The following HRH2 variants were observed in gnomAD, a reference collection of about 807,000 sequenced individuals.
The protein encoded by HRH2 is histamine receptor H2, also known as histamine H2 receptor.
A neutral mutation model predicts 20.1 loss-of-function variants in HRH2; 4 were observed. The ratio of observed to expected loss-of-function variants is 0.20; its 90% CI spans 0.10 to 0.45. HRH2 has a LOEUF of 0.45. Ranked by LOEUF, HRH2 falls within the 20% of genes least tolerant of loss-of-function variation. The probability of loss-of-function intolerance (pLI) is 0.99; values close to 1 mark genes in which losing one functional copy is unlikely to be tolerated. For missense variants in HRH2, 250 were observed against 461.6 expected, an observed-to-expected ratio of 0.54 and a Z score of 4.20; for synonymous variants, 197 against 200.7, an observed-to-expected ratio of 0.98 and a Z score of 0.16.
At chr5:175,706,518 T>A (rs1381030005) in intron 2 of HRH2, among the ~76,000 whole-genome samples, 1 of 152,312 alleles carries the variant, frequency 6.6e-6, no homozygotes, top group East Asian at 1.9e-4. Flanking sequence ...CTTTGATAAT[T>A]TCACCGAGTG....
At chr5:175,707,583 T>C (rs1302916507) in intron 2 of HRH2, among the ~76,000 whole-genome samples, 196 bp from the exon 3 acceptor site, 2 of 152,230 alleles carry the variant, frequency 1.3e-5, no homozygotes, top group African/African-American at 2.4e-5. Flanking sequence ...ATACTCCTTC[T>C]TGTGGGTTGA....
intron 1 of HRH2, among the ~76,000 whole-genome samples, chr5:175,658,651 C>G (rs1762640209): frequency 6.6e-6 from 1 of 152,112 alleles, no homozygotes; most frequent in Admixed American, 6.5e-5. Context: ...GGGGAGGAGG[C>G]TTCTATGTCT....
rs1424350798 is a variant in HRH2 at position 175,687,254 on chromosome 5, A to G, written c.1076+2945A>G. Among the ~76,000 whole-genome samples, 2 of 152,260 alleles carry G rather than the reference A, an allele frequency of 1.3e-5. No homozygotes were observed. Among genetic ancestry groups the G allele is most frequent in the East Asian group, 3.9e-4 (2 of 5,158 alleles). On this transcript the variant is annotated intron_variant, in intron 2 of 2. Transcript: ENST00000636584. This position sits in a 1 kb window ranked among gnomAD's most constrained non-coding sequence, Gnocchi z 5.2. Reference sequence around the variant, plus strand: ...TCCCACCAAGACTGCCAGGGCGATCAGGGCCTCGTGTGTCCCTCGATAAGC... The same window carrying G: ...TCCCACCAAGACTGCCAGGGCGATCGGGGCCTCGTGTGTCCCTCGATAAGC...
chr5:175,658,716 TGACC>T (rs1280598862), intron 1 of HRH2, among the ~76,000 whole-genome samples: 2 of 152,084 alleles, frequency 1.3e-5, no homozygotes, highest in African/African-American at 2.4e-5. Flanking sequence ...CGCTGCCGGA[TGACC>T]GATGACCGGA....
chr5:175,709,206 C>T lies in HRH2; in HGVS notation c.*1235C>T, dbSNP rs1262128430. 6.6e-6 allele frequency: 1 copy of T among 152,318 alleles called. No homozygotes were observed. The highest frequency in any genetic ancestry group is 1.5e-5 in the Non-Finnish European group (1 of 68,168). The allele number at this position is 152,318 out of a possible 1,614,324, so 9.4% of individuals were successfully genotyped here. A position where few individuals can be genotyped will look rare whatever the true frequency, so the allele number is the denominator to read the frequency against. The stretch of plus-strand genomic sequence containing the variant: ...TCCAAGATGCTTCATGATCTTCCCC[C>T]TCCCTGACATCCCCGACCTCCCTTT... On this transcript the variant is annotated 3_prime_UTR_variant, in exon 3 of 3. Coordinates refer to ENST00000636584, the MANE Select transcript of HRH2 (RefSeq NM_001367711.1).
At chr5:175,700,755 G>A (rs1756766355) in intron 2 of HRH2, among the ~76,000 whole-genome samples, 1 of 152,168 alleles carries the variant, frequency 6.6e-6, no homozygotes, top group African/African-American at 2.4e-5. Context: ...AGGCATGGTG[G>A]CATGCACCTG....
chr5:175,678,601 T>C (rs17065301), intron 1 of HRH2, among the ~76,000 whole-genome samples: 7,225 of 152,306 alleles, frequency 0.047, 582 homozygotes, highest in African/African-American at 0.16. Flanking sequence ...TTCTGTAGAG[T>C]AAGGATCAAA....
chr5:175,673,853 C>T (rs186477975), intron 1 of HRH2, among the ~76,000 whole-genome samples: 85 of 152,032 alleles, frequency 5.6e-4, no homozygotes, highest in Non-Finnish European at 8.1e-4. Flanking sequence ...TACAGATGCC[C>T]GCCACCACGC....
chr5:175,680,010 C>T lies in HRH2; in HGVS notation c.-525-2699C>T, dbSNP rs529067701. ...AAATGGAGACATGATTTTCCTCACT[C>T]GTGGGGTCGTGAGGATTCAGTGATA... On this transcript the variant is annotated intron_variant, in intron 1 of 2. Coordinates refer to ENST00000636584, the MANE Select transcript of HRH2 (RefSeq NM_001367711.1). Among the ~76,000 whole-genome samples the T allele has an allele frequency of 8.5e-5, 13 of 152,282 alleles. No individual in the cohort carries two copies. The South Asian group carries it at 2.7e-3, about 32-fold the overall frequency.
intron 2 of HRH2, among the ~76,000 whole-genome samples, chr5:175,701,916 A>C (rs1248468946): frequency 6.6e-6 from 1 of 152,242 alleles, no homozygotes; most frequent in Non-Finnish European, 1.5e-5. Context: ...GCTCAGGGCA[A>C]AGACGGGCCG....
At chr5:175,696,311 G>C (rs912216251) in intron 2 of HRH2, among the ~76,000 whole-genome samples, 2 of 152,250 alleles carry the variant, frequency 1.3e-5, no homozygotes, top group African/African-American at 2.4e-5. Context: ...TGGGAGACCT[G>C]AGTGTGACCC....
intron 1 of HRH2, among the ~76,000 whole-genome samples, chr5:175,664,991 A>T (rs1762845175): frequency 6.6e-6 from 1 of 152,162 alleles, no homozygotes; most frequent in South Asian, 2.1e-4. Flanking sequence ...GCATTTTCTA[A>T]AATGCCTTTT....
chr5:175,683,485 G>C lies in HRH2; in HGVS notation c.252G>C (p.Trp84Cys). ...CCATCTACCAGCTGTCCTGCAAGTG[G>C]AGCTTTGGCAAGGTCTTCTGCAATA... ...FSAIYQLSCK[W>C]SFGKVFCNIY... Residue 84 changes from tryptophan (W) to cysteine (C), a missense_variant, in exon 2 of 3, where the codon TGG (tryptophan) becomes TGC (cysteine). Coordinates refer to ENST00000636584, the MANE Select transcript of HRH2 (RefSeq NM_001367711.1). 1 of 1,613,844 alleles carries C rather than the reference G, an allele frequency of 6.2e-7. No individual in the cohort carries two copies.
chr5:175,670,703 C>T (rs1041657300), intron 1 of HRH2, among the ~76,000 whole-genome samples: 1 of 152,164 alleles, frequency 6.6e-6, no homozygotes, highest in African/African-American at 2.4e-5. Flanking sequence ...GGGGCAGAAC[C>T]CTCAAGACTC....
chr5:175,688,499 A>G (rs1212383783), intron 2 of HRH2, among the ~76,000 whole-genome samples: 1 of 152,220 alleles, frequency 6.6e-6, no homozygotes, highest in East Asian at 1.9e-4. Flanking sequence ...GAGCAGTGAG[A>G]AAGGCTGAGG....
At position 175,705,491 on chromosome 5, in the gene HRH2, TAA is replaced by T. The variant is rs113563752; in HGVS notation, c.1077-2283_1077-2282del. ...ATTCATACAATGAAATACCTTTTTTTAAAAAATTATGGCACATTTTAAACATA... is the reference window on the plus strand; with the variant it reads ...ATTCATACAATGAAATACCTTTTTTTAAAATTATGGCACATTTTAAACATA... On this transcript the variant is annotated intron_variant, in intron 2 of 2. Transcript: ENST00000636584. Among the ~76,000 whole-genome samples, 77 of 152,212 alleles carry T rather than the reference TAA, an allele frequency of 5.1e-4. 1 individual carries two copies. Among genetic ancestry groups the T allele is most frequent in the African/African-American group, 1.8e-3 (76 of 41,478 alleles).
chr5:175,698,252 G>T (rs994546509), intron 2 of HRH2, among the ~76,000 whole-genome samples: 1 of 152,224 alleles, frequency 6.6e-6, no homozygotes, highest in African/African-American at 2.4e-5. Context: ...GCCCTGCCCA[G>T]ATCATCTCCG....
chr5:175,661,611 A>C (rs1762739928), intron 1 of HRH2, among the ~76,000 whole-genome samples: 1 of 152,208 alleles, frequency 6.6e-6, no homozygotes, highest in Non-Finnish European at 1.5e-5. Flanking sequence ...TTAATCAGGG[A>C]TCACAGAGAT....
At chr5:175,670,872 AT>A (rs1478726393) in intron 1 of HRH2, among the ~76,000 whole-genome samples, 1 of 152,238 alleles carries the variant, frequency 6.6e-6, no homozygotes, top group Non-Finnish European at 1.5e-5. Context: ...CCATATCCAG[AT>A]TTGGGCCTGT....
Sources: allele counts gnomAD v4.1 joint callset (sites outside exome capture counted in the v4.1 genomes callset), GRCh38; gene constraint gnomAD v4.1.1; non-coding constraint Gnocchi (gnomAD v3.1); transcripts MANE v1.5; gene names NCBI Gene and HGNC (gene_info 2026-07-23, HGNC 2026-07-21).